The following CAMSAP2 variants were observed in gnomAD, a reference collection of about 807,000 sequenced individuals.
CAMSAP2 encodes calmodulin regulated spectrin associated protein family member 2.
Under a neutral mutation model 146.1 loss-of-function variants are expected in CAMSAP2, and 26 were observed. The ratio of observed to expected loss-of-function variants is 0.18; its 90% confidence interval spans 0.13 to 0.25. CAMSAP2 has a LOEUF of 0.25. Among genes scored for constraint, CAMSAP2 ranks in the 10% least tolerant of loss-of-function variants. The pLI is 1.00. For synonymous variants in CAMSAP2, 499 were observed against 596.6 expected (o/e 0.84, Z 2.38); for missense variants, 1,381 against 1,759.3 (o/e 0.78, Z 3.85).
chr1:200,849,573 C>T lies in CAMSAP2; in HGVS notation c.2804C>T (p.Pro935Leu). Residue 935 changes from proline to leucine, a missense_variant, in exon 11 of 17, where the codon CCT (proline) becomes CTT (leucine). Physicochemically the swap from Pro to Leu is moderately conservative, Grantham distance 98. Around this residue, in one of 4 missense-constraint regions of CAMSAP2, gnomAD observed 560 missense variants for 715.9 expected, o/e 0.78. Transcript: ENST00000358823. The surrounding 1 kb of genome is among the most constrained non-coding windows in gnomAD (Gnocchi z 6.3). ...SPQKQIRDFK[P>L]SKQAGLSSAI... ...CAGAAACAGATTCGAGATTTTAAGCCTTCTAAGCAGGCAGGCCTGTCATCA... is the reference window on the plus strand; with the variant it reads ...CAGAAACAGATTCGAGATTTTAAGCTTTCTAAGCAGGCAGGCCTGTCATCA... 1 of 1,614,190 alleles carries T rather than the reference C, an allele frequency of 6.2e-7. No individual in the cohort carries two copies. Among genetic ancestry groups the T allele is most frequent in the African/African-American group, 1.3e-5 (1 of 75,060 alleles).
At chr1:200,785,656 C>T (rs1046739964) in intron 2 of CAMSAP2, among the ~76,000 whole-genome samples, 1 of 151,906 alleles carries the variant, frequency 6.6e-6, no homozygotes, top group African/African-American at 2.4e-5. Context: ...TCCCAAAGTG[C>T]TGGGATTATA....
chr1:200,802,615 G>A (rs567524224), intron 2 of CAMSAP2, among the ~76,000 whole-genome samples: 14 of 152,158 alleles, frequency 9.2e-5, no homozygotes, highest in South Asian at 2.1e-4. Context: ...ACCTGTGGGC[G>A]TACTTGGGCA....
chr1:200,786,559 T>G (rs1415894310), intron 2 of CAMSAP2, among the ~76,000 whole-genome samples: 1 of 150,308 alleles, frequency 6.7e-6, no homozygotes, highest in African/African-American at 2.5e-5. Flanking sequence ...AATGTTTGTA[T>G]TTTTAGTAGA....
At chr1:200,840,690 A>G (rs1474067110) in intron 6 of CAMSAP2, among the ~76,000 whole-genome samples, 10 of 152,256 alleles carry the variant, frequency 6.6e-5, no homozygotes, top group Non-Finnish European at 1.2e-4. Context: ...GAGAGCATAT[A>G]GAGTTTAAGG....
intron 1 of CAMSAP2, among the ~76,000 whole-genome samples, chr1:200,753,839 G>A (rs190533373): frequency 6.6e-6 from 1 of 152,092 alleles, no homozygotes; most frequent in Non-Finnish European, 1.5e-5. Flanking sequence ...TTGTCTCTCT[G>A]TCAGCAGATG....
At position 200,739,675 on chromosome 1, in the gene CAMSAP2, A is replaced by C; in HGVS notation, c.-153A>C. 1 of 586,026 alleles carries C rather than the reference A, an allele frequency of 1.7e-6. No homozygotes were observed. The highest frequency in any genetic ancestry group is 2.5e-6 in the Non-Finnish European group (1 of 399,272). The allele number at this position is 586,026 out of a possible 1,614,324, so 36.3% of individuals were successfully genotyped here. A position where few individuals can be genotyped will look rare whatever the true frequency, so the allele number is the denominator to read the frequency against. The stretch of plus-strand genomic sequence containing the variant: ...GGGAGGCGGCAGGCGCGCGGCGCGG[A>C]CAGCTGAGCTTCTCCTCCGTCGGCG... On this transcript the variant is annotated 5_prime_UTR_variant, in exon 1 of 17. Transcript: ENST00000358823. This position sits in a 1 kb window ranked among gnomAD's most constrained non-coding sequence, Gnocchi z 4.8.
chr1:200,847,895 T>A, intron 10 of CAMSAP2, 137 bp from the exon 11 acceptor site: 1 of 784,554 alleles, frequency 1.3e-6, no homozygotes, highest in Admixed American at 3.0e-5. Flanking sequence ...TAGATAGCCC[T>A]CCCCTTACCT....
At chr1:200,799,651 C>A (rs1398361351) in intron 2 of CAMSAP2, among the ~76,000 whole-genome samples, 1 of 151,822 alleles carries the variant, frequency 6.6e-6, no homozygotes, top group Non-Finnish European at 1.5e-5. Flanking sequence ...TTTTTGAAGG[C>A]TTTTTCATGT....
At position 200,738,940 on chromosome 1, in the gene CAMSAP2, AGCG is replaced by A. The variant is rs537301220; in HGVS notation, c.-873_-871del. 3.4e-5 allele frequency among the ~76,000 whole-genome samples: 5 copies of A among 149,008 alleles called. No homozygotes were observed. The highest frequency in any genetic ancestry group is 2.1e-4 in the South Asian group (1 of 4,698). On this transcript the variant is annotated 5_prime_UTR_variant, in exon 1 of 17. Coordinates refer to ENST00000358823, the MANE Select transcript of CAMSAP2 (RefSeq NM_203459.4). Reference sequence around the variant, plus strand: ...TCCAGTGCCGCAGCCGGAAAACCGCAGCGGCGGCGGCGGCGGCTGAGGGGGAAC... The same window carrying A: ...TCCAGTGCCGCAGCCGGAAAACCGCAGCGGCGGCGGCGGCTGAGGGGGAAC...
rs1258913631 is a variant in CAMSAP2 at position 200,738,910 on chromosome 1, C to T, written c.-918C>T. On this transcript the variant is annotated 5_prime_UTR_variant, in exon 1 of 17. Coordinates refer to ENST00000358823, the MANE Select transcript of CAMSAP2 (RefSeq NM_203459.4). ...GCATGCTCAGTCTCCGCATCTGCTC[C>T]TTCATCCAGTGCCGCAGCCGGAAAA... Among the ~76,000 whole-genome samples, 1 of 151,130 alleles carries T rather than the reference C, an allele frequency of 6.6e-6. No homozygotes were observed. The highest frequency in any genetic ancestry group is 1.5e-5 in the Non-Finnish European group (1 of 67,860).
chr1:200,780,421 C>T (rs760341026), intron 2 of CAMSAP2, among the ~76,000 whole-genome samples: 31 of 152,184 alleles, frequency 2.0e-4, no homozygotes, highest in Non-Finnish European at 3.8e-4. Flanking sequence ...AGAATTATGA[C>T]ACCCTGTCAT....
intron 2 of CAMSAP2, among the ~76,000 whole-genome samples, chr1:200,768,201 T>C (rs1219297136): frequency 6.6e-6 from 1 of 152,238 alleles, no homozygotes; most frequent in Non-Finnish European, 1.5e-5. Flanking sequence ...AACTCTGTAC[T>C]ACACTTCAAC....
chr1:200,751,418 C>G (rs956187357), intron 1 of CAMSAP2, among the ~76,000 whole-genome samples: 1 of 150,938 alleles, frequency 6.6e-6, no homozygotes, highest in Admixed American at 6.6e-5. Context: ...CACCTGTGAT[C>G]CTGGCTACTT....
Position 200,812,890 on chromosome 1 carries a change from A to G in CAMSAP2, c.562-2671A>G, listed in dbSNP as rs138253297. Among the ~76,000 whole-genome samples, 612 of 152,308 alleles carry G rather than the reference A, an allele frequency of 4.0e-3. 1 individual carries two copies. The highest frequency in any genetic ancestry group is 6.4e-3 in the Non-Finnish European group (435 of 68,028). On this transcript the variant is annotated intron_variant, in intron 3 of 16. Transcript: ENST00000358823. The stretch of plus-strand genomic sequence containing the variant: ...TGTCATTCTGTTACTTAAACACGCA[A>G]GTATTTTTCCTACCACAGGGCTTTT...
chr1:200,825,045 T>C (rs1666869709), intron 4 of CAMSAP2, among the ~76,000 whole-genome samples: 1 of 152,176 alleles, frequency 6.6e-6, no homozygotes. Flanking sequence ...TTTGCAATTT[T>C]TTTTTAGACT....
chr1:200,753,447 G>T (rs1003208001), intron 1 of CAMSAP2, among the ~76,000 whole-genome samples: 1 of 152,138 alleles, frequency 6.6e-6, no homozygotes, highest in Non-Finnish European at 1.5e-5. Flanking sequence ...CTGACTGGGT[G>T]CCTCCTTCTT....
At chr1:200,786,132 C>T (rs1181968634) in intron 2 of CAMSAP2, among the ~76,000 whole-genome samples, 1 of 151,802 alleles carries the variant, frequency 6.6e-6, no homozygotes, top group Non-Finnish European at 1.5e-5. Context: ...TTTTACTTTC[C>T]TGGTGTTATT....
At chr1:200,796,286 C>T (rs1053864391) in intron 2 of CAMSAP2, among the ~76,000 whole-genome samples, 4 of 152,158 alleles carry the variant, frequency 2.6e-5, no homozygotes, top group Admixed American at 2.6e-4. Flanking sequence ...AATCAATTGA[C>T]CATAGACATA....
intron 2 of CAMSAP2, among the ~76,000 whole-genome samples, chr1:200,790,729 A>G (rs965939785): frequency 4.6e-5 from 7 of 152,190 alleles, no homozygotes; most frequent in Non-Finnish European, 8.8e-5. Flanking sequence ...GTGACTGCTA[A>G]GGTTTTTACA....
Sources: allele counts gnomAD v4.1 joint callset (sites outside exome capture counted in the v4.1 genomes callset), GRCh38; gene constraint gnomAD v4.1.1; regional missense constraint gnomAD v4.1.1; non-coding constraint Gnocchi (gnomAD v3.1); transcripts MANE v1.5; gene names NCBI Gene and HGNC (gene_info 2026-07-23, HGNC 2026-07-21).